Variants in CACNA2D3 observed in about 807,000 individuals in gnomAD.
The protein encoded by CACNA2D3 is calcium voltage-gated channel auxiliary subunit alpha2delta 3.
In CACNA2D3, 60 loss-of-function variants were observed where a neutral mutation model predicts 160.6. The observed-to-expected ratio is 0.37, with a 90% CI of 0.30 to 0.46. CACNA2D3 has a LOEUF of 0.46. CACNA2D3 is among the 20% of genes least tolerant of loss of function. CACNA2D3 has a pLI of 1.00. For missense variants in CACNA2D3, 1,205 were observed against 1,365.0 expected (o/e 0.88, Z 1.85); for synonymous variants, 558 against 492.9 (o/e 1.13, Z -1.75).
intron 17 of CACNA2D3, among the ~76,000 whole-genome samples, chr3:54,852,683 G>A (rs960066060): frequency 2.6e-5 from 4 of 152,104 alleles, no homozygotes; most frequent in African/African-American, 9.7e-5. Flanking sequence ...CCTCATGAAA[G>A]GTTATTAAAT....
chr3:54,691,738 G>C (rs1700575229), intron 11 of CACNA2D3, among the ~76,000 whole-genome samples: 1 of 152,146 alleles, frequency 6.6e-6, no homozygotes, highest in African/African-American at 2.4e-5. Flanking sequence ...ATGTGTTGCT[G>C]TATTTTCCTG....
chr3:54,887,687 G>A (rs1699957630), intron 23 of CACNA2D3, among the ~76,000 whole-genome samples: 1 of 152,096 alleles, frequency 6.6e-6, no homozygotes, highest in African/African-American at 2.4e-5. Context: ...CAGGAACCAC[G>A]AGATGGGGTG....
At chr3:54,830,646 GT>G (rs1703854921) in intron 14 of CACNA2D3, among the ~76,000 whole-genome samples, 1 of 152,000 alleles carries the variant, frequency 6.6e-6, no homozygotes, top group Non-Finnish European at 1.5e-5. Flanking sequence ...GTGCAGACGG[GT>G]TTTCGCCACG....
intron 10 of CACNA2D3, among the ~76,000 whole-genome samples, chr3:54,630,809 C>A (rs1379418102): frequency 6.6e-6 from 1 of 152,124 alleles, no homozygotes; most frequent in Non-Finnish European, 1.5e-5. Context: ...ACCCTCCATA[C>A]CCCTGTAAAA....
intron 4 of CACNA2D3, among the ~76,000 whole-genome samples, chr3:54,452,882 C>G (rs1298543050): frequency 6.6e-6 from 1 of 152,142 alleles, no homozygotes; most frequent in Non-Finnish European, 1.5e-5. Flanking sequence ...TGCTGCATCA[C>G]TCTAATTTCT....
intron 6 of CACNA2D3, among the ~76,000 whole-genome samples, chr3:54,565,229 G>C (rs546657574): frequency 1.6e-4 from 25 of 152,286 alleles, no homozygotes; most frequent in South Asian, 1.2e-3. Context: ...CCCAAAGGAG[G>C]GGGCATCAGT....
intron 35 of CACNA2D3, among the ~76,000 whole-genome samples, chr3:55,067,334 A>T (rs1704681181): frequency 1.3e-5 from 2 of 152,318 alleles, no homozygotes; most frequent in South Asian, 4.1e-4. Context: ...AAAGAACCAC[A>T]CTAGCCTGGG....
At chr3:54,732,537 G>A (rs545394182) in intron 11 of CACNA2D3, among the ~76,000 whole-genome samples, 26 of 152,288 alleles carry the variant, frequency 1.7e-4, no homozygotes, top group African/African-American at 5.5e-4. Flanking sequence ...AAATCTCTTC[G>A]TGTCTGGAAT....
chr3:54,778,306 C>T (rs913062685), intron 13 of CACNA2D3, among the ~76,000 whole-genome samples: 1 of 152,054 alleles, frequency 6.6e-6, no homozygotes, highest in African/African-American at 2.4e-5. Context: ...TGAATGGGGC[C>T]TTTCCCCATT....
chr3:54,959,705 T>G (rs1701985109), intron 27 of CACNA2D3, among the ~76,000 whole-genome samples: 1 of 152,230 alleles, frequency 6.6e-6, no homozygotes, highest in Non-Finnish European at 1.5e-5. Context: ...AGCCCGAGGC[T>G]TAAATGTTTT....
intron 35 of CACNA2D3, among the ~76,000 whole-genome samples, chr3:55,033,584 GTATATATA>G (rs36230201): frequency 9.8e-5 from 11 of 112,806 alleles, no homozygotes; most frequent in East Asian, 6.6e-4. Context: ...ATGTGTGTGT[GTATATATA>G]TATATATATA....
At chr3:54,268,218 G>A (rs1018339591) in intron 2 of CACNA2D3, among the ~76,000 whole-genome samples, 1 of 152,134 alleles carries the variant, frequency 6.6e-6, no homozygotes, top group Non-Finnish European at 1.5e-5. Flanking sequence ...TGAAAGAACT[G>A]CTTGTCTGTT....
At position 54,944,017 on chromosome 3, in the gene CACNA2D3, T is replaced by C. The variant is rs972827906; in HGVS notation, c.2450-24433T>C. Reference sequence around the variant, plus strand: ...CGTTTCCTAACCATTTGACTGGCCATAGAATACCTGGCTGAAAATCATTTT... The same window carrying C: ...CGTTTCCTAACCATTTGACTGGCCACAGAATACCTGGCTGAAAATCATTTT... On this transcript the variant is annotated intron_variant, in intron 27 of 37. Coordinates refer to ENST00000474759, the MANE Select transcript of CACNA2D3 (RefSeq NM_018398.3). Among the ~76,000 whole-genome samples, 7 of 152,236 alleles carry C rather than the reference T, an allele frequency of 4.6e-5. No homozygotes were observed. The East Asian group carries it at 9.6e-4, about 21-fold the overall frequency.
intron 14 of CACNA2D3, among the ~76,000 whole-genome samples, chr3:54,827,225 CT>C (rs1703766969): frequency 6.6e-6 from 1 of 152,250 alleles, no homozygotes; most frequent in African/African-American, 2.4e-5. Flanking sequence ...GCCTTTTTAA[CT>C]CCTTCACTTG....
chr3:54,277,644 G>GT (rs1702777097), intron 2 of CACNA2D3, among the ~76,000 whole-genome samples: 3 of 152,204 alleles, frequency 2.0e-5, no homozygotes, highest in East Asian at 3.9e-4. Context: ...ATTTAAAGTA[G>GT]TTTTTTTCTA....
At chr3:54,947,515 T>C (rs1470514459) in intron 27 of CACNA2D3, among the ~76,000 whole-genome samples, 5 of 152,138 alleles carry the variant, frequency 3.3e-5, no homozygotes, top group Non-Finnish European at 7.4e-5. Flanking sequence ...GGAGAACCTA[T>C]ACTGTTGAGT....
Position 54,752,594 on chromosome 3 carries a change from T to A in CACNA2D3, c.1168-5T>A, listed in dbSNP as rs1316696420. ...CGCTCAGCCATGCGTTTGTCTTCCCTTCAGGTTCGCATCTTCACATACCTC... is the reference window on the plus strand; with the variant it reads ...CGCTCAGCCATGCGTTTGTCTTCCCATCAGGTTCGCATCTTCACATACCTC... On this transcript the variant is annotated splice_region_variant and splice_polypyrimidine_tract_variant and intron_variant, in intron 11 of 37. Transcript: ENST00000474759. 1 of 1,611,952 alleles carries A rather than the reference T, an allele frequency of 6.2e-7. No homozygotes were observed. The highest frequency in any genetic ancestry group is 1.1e-5 in the South Asian group (1 of 90,618).
chr3:54,758,817 C>G (rs1195918208), intron 12 of CACNA2D3, among the ~76,000 whole-genome samples: 1 of 152,192 alleles, frequency 6.6e-6, no homozygotes, highest in South Asian at 2.1e-4. Flanking sequence ...TTTGGAAAGA[C>G]TCAACAACTC....
At chr3:54,233,258 T>TGA (rs1284440009) in intron 2 of CACNA2D3, among the ~76,000 whole-genome samples, 2 of 152,220 alleles carry the variant, frequency 1.3e-5, no homozygotes, top group African/African-American at 4.8e-5. Flanking sequence ...TTTACTCTCG[T>TGA]ATCACCAGGG....
Sources: gnomAD v4.1 joint callset for allele counts (sites outside exome capture counted in the v4.1 genomes callset) on GRCh38, gnomAD v4.1.1 for gene constraint, MANE v1.5 for transcripts, NCBI Gene and HGNC (gene_info 2026-07-23, HGNC 2026-07-21) for gene names.